The following PRKN variants were observed in gnomAD, a reference collection of about 807,000 sequenced individuals.
The protein encoded by PRKN is parkin RBR E3 ubiquitin protein ligase, also known as E3 ubiquitin-protein ligase parkin.
In PRKN, 56 loss-of-function variants were observed where a neutral mutation model predicts 59.5. The ratio of observed to expected loss-of-function variants is 0.94; its 90% CI spans 0.76 to 1.18. PRKN has a LOEUF of 1.18. Among genes scored for constraint, PRKN ranks in the 50% most tolerant of loss-of-function variants. The probability of loss-of-function intolerance (pLI) is 0.00; values close to 1 mark genes in which losing one functional copy is unlikely to be tolerated. For synonymous variants in PRKN, 250 were observed against 222.1 expected, an observed-to-expected ratio of 1.13 and a Z score of -1.12; for missense variants, 657 against 596.4, an observed-to-expected ratio of 1.10 and a Z score of -1.06.
chr6:161,974,473 C>A (rs898715204), intron 5 of PRKN, among the ~76,000 whole-genome samples: 1 of 152,156 alleles, frequency 6.6e-6, no homozygotes, highest in Non-Finnish European at 1.5e-5. Context: ...AGGTCACGTT[C>A]TTTTGATTGA....
In PRKN at chr6:162,511,854, TAA is replaced by T. The variant is rs568583934; in HGVS notation, c.8-68383_8-68382del. Among the ~76,000 whole-genome samples the T allele has an allele frequency of 8.5e-4, 130 of 152,290 alleles. 1 individual carries two copies. The highest frequency in any genetic ancestry group is 2.9e-3 in the African/African-American group (119 of 41,570). ...TGTTTCTTGAAAACTGCACTTCACA[TAA>T]AGAGATTTTAATTTTTAATAATTTA... is the stretch of plus-strand genomic sequence containing the variant. On this transcript the variant is annotated intron_variant, in intron 1 of 11. Transcript: ENST00000366898.
chr6:161,601,748 A>C (rs1782114663), intron 7 of PRKN, among the ~76,000 whole-genome samples: 1 of 151,784 alleles, frequency 6.6e-6, no homozygotes, highest in African/African-American at 2.4e-5. Flanking sequence ...ACGCCTGGCT[A>C]ATTTTTTGTA....
Position 162,253,203 on chromosome 6 carries a change from A to C in PRKN, c.412+9322T>G, listed in dbSNP as rs1779508165. Reference sequence around the variant, plus strand: ...TATCGAAATGGTAATTGAAAGAGAAACTGGAAACATCACCTGTATGAAAAA... The same window carrying C: ...TATCGAAATGGTAATTGAAAGAGAACCTGGAAACATCACCTGTATGAAAAA... On this transcript the variant is annotated intron_variant, in intron 3 of 11. Coordinates refer to ENST00000366898, the MANE Select transcript of PRKN (RefSeq NM_004562.3). Among the ~76,000 whole-genome samples, 3 of 152,228 alleles carry C rather than the reference A, an allele frequency of 2.0e-5. No individual in the cohort carries two copies. The South Asian group carries it at 6.2e-4, about 31-fold the overall frequency.
intron 7 of PRKN, among the ~76,000 whole-genome samples, chr6:161,601,597 T>G (rs1169931407): frequency 6.6e-6 from 1 of 151,998 alleles, no homozygotes; most frequent in Admixed American, 6.6e-5. Context: ...TTTTTTTTTT[T>G]TTTTGGACGG....
chr6:161,943,642 C>T (rs892156541), intron 6 of PRKN, among the ~76,000 whole-genome samples: 3 of 144,222 alleles, frequency 2.1e-5, no homozygotes, highest in African/African-American at 7.8e-5. Context: ...TGAGGAAATA[C>T]CCTGAGGGAT....
intron 1 of PRKN, among the ~76,000 whole-genome samples, chr6:162,703,063 T>C (rs918628722): frequency 6.6e-6 from 1 of 152,200 alleles, no homozygotes; most frequent in Non-Finnish European, 1.5e-5. Flanking sequence ...TGTTGATTAC[T>C]AGGAAAATCT....
At chr6:162,339,195 G>A (rs1784013671) in intron 2 of PRKN, among the ~76,000 whole-genome samples, 1 of 151,290 alleles carries the variant, frequency 6.6e-6, no homozygotes, top group Non-Finnish European at 1.5e-5. Context: ...CATCTGGGAA[G>A]TGAGGAGCGT....
intron 9 of PRKN, among the ~76,000 whole-genome samples, chr6:161,453,341 C>T (rs1789826748): frequency 6.6e-6 from 1 of 152,156 alleles, no homozygotes; most frequent in South Asian, 2.1e-4. Flanking sequence ...TTAAATCCTT[C>T]AGATACTTCT....
intron 7 of PRKN, among the ~76,000 whole-genome samples, chr6:161,601,475 G>A (rs1044596250): frequency 1.3e-5 from 2 of 152,118 alleles, no homozygotes; most frequent in Admixed American, 6.5e-5. Flanking sequence ...AATACTTTGA[G>A]GAGAATTAAC....
chr6:161,423,345 C>T lies in PRKN; in HGVS notation c.1084-36468G>A, dbSNP rs970142714. The stretch of plus-strand genomic sequence containing the variant: ...ATGCAAACGGATAGCAGCTGAGACA[C>T]GCTGTGTAACTTGCAGCTTACATGT... On this transcript the variant is annotated intron_variant, in intron 9 of 11. Coordinates refer to ENST00000366898, the MANE Select transcript of PRKN (RefSeq NM_004562.3). This position sits in a 1 kb window ranked among gnomAD's most constrained non-coding sequence, Gnocchi z 5.9. 2.0e-4 allele frequency among the ~76,000 whole-genome samples: 30 copies of T among 152,148 alleles called. No individual in the cohort carries two copies. Among genetic ancestry groups the T allele is most frequent in the Admixed American group, 3.3e-4 (5 of 15,270 alleles).
intron 2 of PRKN, among the ~76,000 whole-genome samples, chr6:162,427,966 G>A (rs747939951): frequency 3.9e-5 from 6 of 152,114 alleles, no homozygotes; most frequent in Non-Finnish European, 8.8e-5. Context: ...TACATCCATC[G>A]CTTCAGTTTT....
At position 161,417,947 on chromosome 6, in the gene PRKN, C is replaced by A. The variant is rs2115020930; in HGVS notation, c.1084-31070G>T. ...CCAGGGGCATGAGTAATGCTGGGAG[C>A]TGCAGGCTGGCTTCCCACGCTCCCT... On this transcript the variant is annotated intron_variant, in intron 9 of 11. Coordinates refer to ENST00000366898, the MANE Select transcript of PRKN (RefSeq NM_004562.3). The surrounding 1 kb of genome is among the most constrained non-coding windows in gnomAD (Gnocchi z 5.4). Among the ~76,000 whole-genome samples, 1 of 152,308 alleles carries A rather than the reference C, an allele frequency of 6.6e-6. No individual in the cohort carries two copies.
intron 7 of PRKN, among the ~76,000 whole-genome samples, chr6:161,746,463 T>C (rs576640362): frequency 1.1e-3 from 158 of 150,202 alleles, no homozygotes; most frequent in African/African-American, 3.8e-3. Context: ...AACAGACACA[T>C]ACAAAAAAAG....
rs750076211 is a variant in PRKN, at chr6:162,477,110, G to A, written c.8-33637C>T. On this transcript the variant is annotated intron_variant, in intron 1 of 11. Transcript: ENST00000366898. Reference sequence around the variant, plus strand: ...AGCAAATACACTTGACTCTTTGAGGGAGTTAAGAAAAATGAAATTGAAATA... The same window carrying A: ...AGCAAATACACTTGACTCTTTGAGGAAGTTAAGAAAAATGAAATTGAAATA... Among the ~76,000 whole-genome samples, 5 of 152,260 alleles carry A rather than the reference G, an allele frequency of 3.3e-5. No individual in the cohort carries two copies. The East Asian group carries it at 9.6e-4, about 29-fold the overall frequency.
At chr6:162,539,926 ATTTTG>A (rs1778861526) in intron 1 of PRKN, among the ~76,000 whole-genome samples, 1 of 152,136 alleles carries the variant, frequency 6.6e-6, no homozygotes, top group Admixed American at 6.6e-5. Context: ...AATTTATTTT[ATTTTG>A]TTTTGTTTTG....
intron 1 of PRKN, among the ~76,000 whole-genome samples, chr6:162,631,600 C>T (rs537440386): frequency 3.3e-5 from 5 of 152,134 alleles, no homozygotes; most frequent in Admixed American, 2.0e-4. Flanking sequence ...AGGCCTTTGT[C>T]AAATGCATAG....
chr6:162,305,777 A>G (rs888921062), intron 2 of PRKN, among the ~76,000 whole-genome samples: 4 of 152,104 alleles, frequency 2.6e-5, no homozygotes, highest in Non-Finnish European at 4.4e-5. Context: ...CACAATATAT[A>G]TGATTTTGGA....
intron 4 of PRKN, among the ~76,000 whole-genome samples, chr6:162,091,896 CATGGTGGCA>C (rs1779512555): frequency 6.6e-6 from 1 of 151,824 alleles, no homozygotes; most frequent in Non-Finnish European, 1.5e-5. Flanking sequence ...ATTAGCCGGG[CATGGTGGCA>C]CATGCCTGTA....
At chr6:162,458,369 T>C (rs1011306904) in intron 1 of PRKN, among the ~76,000 whole-genome samples, 2 of 146,094 alleles carry the variant, frequency 1.4e-5, no homozygotes, top group African/African-American at 5.1e-5. Flanking sequence ...GAGGTTGCAG[T>C]AAGCCAAGAT....
Sources: gnomAD v4.1 joint callset for allele counts (sites outside exome capture counted in the v4.1 genomes callset) on GRCh38, gnomAD v4.1.1 for gene constraint, Gnocchi (gnomAD v3.1) non-coding constraint, MANE v1.5 for transcripts, NCBI Gene and HGNC (gene_info 2026-07-23, HGNC 2026-07-21) for gene names.